HDAC7: variants seen among roughly 807,000 people sequenced by gnomAD.
HDAC7 encodes the protein histone deacetylase 7.
A neutral mutation model predicts 115.5 loss-of-function variants in HDAC7; 26 were observed. The observed-to-expected ratio is 0.23, with a 90% CI of 0.16 to 0.31. HDAC7 has a LOEUF of 0.31. Ranked by LOEUF, HDAC7 falls within the 10% of genes least tolerant of loss-of-function variation. HDAC7 has a pLI of 1.00. For missense variants in HDAC7, 1,068 were observed against 1,329.0 expected, an observed-to-expected ratio of 0.80 and a Z score of 3.05; for synonymous variants, 564 against 550.9, an observed-to-expected ratio of 1.02 and a Z score of -0.33.
At chr12:47,800,127 T>G (rs2136997914) in intron 2 of HDAC7, among the ~76,000 whole-genome samples, 1 of 152,288 alleles carries the variant, frequency 6.6e-6, no homozygotes, top group African/African-American at 2.4e-5. Flanking sequence ...TCTTTACATC[T>G]ACAGCACTTG....
chr12:47,785,057 A>T, intron 24 of HDAC7: 1 of 557,894 alleles, frequency 1.8e-6, no homozygotes, highest in Non-Finnish European at 3.2e-6. Context: ...GAGGGGAGGG[A>T]TGGGAACCAG....
At position 47,795,324 on chromosome 12, in the gene HDAC7, G is replaced by A. The variant is rs1025523835; in HGVS notation, c.1144C>T (p.Arg382Trp). ...HFAQSLMTTE[R>W]LSGSGLHWPL... ...CAGTGGAGGCCTGACCCAGAGAGCCGCTCGGTGGTCATTAAGGACTGGGCA... is the reference window on the plus strand; with the variant it reads ...CAGTGGAGGCCTGACCCAGAGAGCCACTCGGTGGTCATTAAGGACTGGGCA... The change falls in exon 11 of 26, where the codon CGG becomes TGG. Residue 382 changes from arginine (R) to tryptophan (W), a missense_variant. Arg to Trp is a moderately radical substitution (Grantham distance 101). Around this residue, in one of 6 missense-constraint regions of HDAC7, gnomAD observed 618 missense variants for 701.5 expected, o/e 0.88. Transcript: ENST00000080059. This position sits in a 1 kb window ranked among gnomAD's most constrained non-coding sequence, Gnocchi z 4.3. 6.8e-6 allele frequency: 11 copies of A among 1,612,740 alleles called. No individual in the cohort carries two copies. The highest frequency in any genetic ancestry group is 5.1e-6 in the Non-Finnish European group (6 of 1,179,636).
At chr12:47,790,913 C>G (rs1327335602) in intron 16 of HDAC7, 1 of 388,734 alleles carries the variant, frequency 2.6e-6, no homozygotes, top group African/African-American at 2.1e-5. Flanking sequence ...TAAGAGCAGA[C>G]AGAGCAGCCT....
At chr12:47,787,201 C>T (rs76664121) in intron 21 of HDAC7, among the ~76,000 whole-genome samples, 18,980 of 150,638 alleles carry the variant, frequency 0.13, 1,502 homozygotes, top group Non-Finnish European at 0.18. Context: ...AGGTTCTGCG[C>T]CACCTGGCTA....
chr12:47,811,023 T>C (rs1390114371), intron 1 of HDAC7, among the ~76,000 whole-genome samples: 1 of 151,730 alleles, frequency 6.6e-6, no homozygotes, highest in African/African-American at 2.4e-5. Flanking sequence ...GAAGCCACAA[T>C]GGAGACCCTG....
At chr12:47,789,105 T>TG (rs1467074275) in intron 19 of HDAC7, 156 bp downstream of exon 19, 17 of 672,084 alleles carry the variant, frequency 2.5e-5, no homozygotes, top group Non-Finnish European at 2.1e-5. Context: ...CCAACTGTGA[T>TG]GTGGGTGTTA....
At chr12:47,818,781 G>A (rs946772067) in intron 1 of HDAC7, among the ~76,000 whole-genome samples, 1 of 152,246 alleles carries the variant, frequency 6.6e-6, no homozygotes, top group African/African-American at 2.4e-5. Flanking sequence ...TCCAGATGCA[G>A]GGGGAGGCCT....
At chr12:47,785,598 C>T (rs751204122) in intron 23 of HDAC7, 127 bp from the exon 24 acceptor site, 4 of 1,380,266 alleles carry the variant, frequency 2.9e-6, no homozygotes, top group Non-Finnish European at 4.0e-6. Flanking sequence ...GCTGCCTGGA[C>T]CTAACTTGGA....
In HDAC7 at chr12:47,799,227, G is replaced by A. The variant is rs915308844; in HGVS notation, c.71-255C>T. On this transcript the variant is annotated intron_variant, in intron 2 of 25. Transcript: ENST00000080059. ...TGGTGGTGTTTGAACGGAGTCTTCC[G>A]ACTCCACCACAGTGCTCCTCCACTA... The A allele has an allele frequency of 9.5e-5, 41 of 431,964 alleles. 2 individuals are homozygous for A. Among genetic ancestry groups the A allele is most frequent in the South Asian group, 5.5e-4 (10 of 18,084 alleles). 26.8% of individuals were successfully genotyped at this position (431,964 alleles called of 1,614,324 possible).
intron 1 of HDAC7, chr12:47,817,862 C>G (rs1321636812): frequency 6.6e-6 from 1 of 152,294 alleles, no homozygotes; most frequent in Non-Finnish European, 1.5e-5. Context: ...CCTACCCCAT[C>G]ACACATGAGT....
chr12:47,783,477 TTTG>T lies in HDAC7; in HGVS notation c.*361_*363del. The T allele has an allele frequency of 3.5e-6, 1 of 283,314 alleles. No homozygotes were observed. Among genetic ancestry groups the T allele is most frequent in the Non-Finnish European group, 7.0e-6 (1 of 143,492 alleles). 17.6% of individuals were successfully genotyped at this position (283,314 alleles called of 1,614,324 possible). On this transcript the variant is annotated 3_prime_UTR_variant, in exon 26 of 26. Transcript: ENST00000080059. ...CTGAGGCTGTGTGCAAAGTCTGGGGTTTGCAGAGCCAGGAATAGTGGTTAAGGG... is the reference window on the plus strand; with the variant it reads ...CTGAGGCTGTGTGCAAAGTCTGGGGTCAGAGCCAGGAATAGTGGTTAAGGG...
In HDAC7 at chr12:47,788,147, G is replaced by A. The variant is rs771591329; in HGVS notation, c.2253C>T (p.Asn751=). ...CTTGGTAGAAGGTTTGCTGGGTGCC[G>A]TTGCCATGGTGCACGTCCTGTGTAG... The part of the protein sequence containing the change: ...LIVDWDVHHG[N]GTQQTFYQDP... Residue 751 remains asparagine (N), a synonymous_variant, in exon 20 of 26, where the codon AAC becomes AAT. Transcript: ENST00000080059. 90 of 1,611,192 alleles carry A rather than the reference G, an allele frequency of 5.6e-5. No individual in the cohort carries two copies. Among genetic ancestry groups the A allele is most frequent in the African/African-American group, 8.0e-5 (6 of 74,858 alleles).
At chr12:47,792,200 C>T in intron 13 of HDAC7, 196 bp from the exon 14 acceptor site, 2 of 606,860 alleles carry the variant, frequency 3.3e-6, no homozygotes, top group South Asian at 4.3e-5. Flanking sequence ...TCCACACACG[C>T]CCAGACACTT....
At position 47,793,948 on chromosome 12, in the gene HDAC7, G is replaced by A. The variant is rs150311179; in HGVS notation, c.1459-360C>T. On this transcript the variant is annotated intron_variant, in intron 12 of 25. Coordinates refer to ENST00000080059, the MANE Select transcript of HDAC7 (RefSeq NM_015401.5). The surrounding 1 kb of genome is among the most constrained non-coding windows in gnomAD (Gnocchi z 4.5). Reference sequence around the variant, plus strand: ...GTGTGGCCTGTCATCATGTGTTATGGAGTAAATTATGTTCCCCACCCTCAA... The same window carrying A: ...GTGTGGCCTGTCATCATGTGTTATGAAGTAAATTATGTTCCCCACCCTCAA... Among the ~76,000 whole-genome samples, 160 of 152,284 alleles carry A rather than the reference G, an allele frequency of 1.1e-3. No individual in the cohort carries two copies. The highest frequency in any genetic ancestry group is 0.01 in the Middle Eastern group (3 of 294).
chr12:47,785,469 C>T lies in HDAC7; in HGVS notation c.2709G>A (p.Val903=). ...ACVAALLGNR[V]DPLSEEGWKQ... is the part of the protein sequence containing the mutation. Reference sequence around the variant, plus strand: ...TCCAGCCTTCTTCTGAAAGGGGATCCACCTATAGAAAACAGTACATCAGCC... The same window carrying T: ...TCCAGCCTTCTTCTGAAAGGGGATCTACCTATAGAAAACAGTACATCAGCC... Residue 903 remains valine (V), a splice_region_variant and synonymous_variant, in exon 24 of 26, where the codon GTG becomes GTA. Coordinates refer to ENST00000080059, the MANE Select transcript of HDAC7 (RefSeq NM_015401.5). The T allele has an allele frequency of 6.2e-7, 1 of 1,611,350 alleles. No homozygotes were observed. Among genetic ancestry groups the T allele is most frequent in the South Asian group, 1.1e-5 (1 of 90,646 alleles).
At chr12:47,788,311 G>A (rs1214261937) in intron 19 of HDAC7, 147 bp from the exon 20 acceptor site, 11 of 940,436 alleles carry the variant, frequency 1.2e-5, no homozygotes, top group Non-Finnish European at 1.5e-5. Flanking sequence ...ACACGGTCGA[G>A]TGGCCCCACG....
chr12:47,794,806 C>T lies in HDAC7; in HGVS notation c.1412G>A (p.Gly471Glu). Residue 471 changes from glycine (G) to glutamate (E), a missense_variant, in exon 12 of 26, where the codon GGG (glycine) becomes GAG (glutamate). By Grantham distance (98) the Gly-to-Glu change is moderately conservative. Around this residue, in one of 6 missense-constraint regions of HDAC7, gnomAD observed 618 missense variants for 701.5 expected, o/e 0.88. Coordinates refer to ENST00000080059, the MANE Select transcript of HDAC7 (RefSeq NM_015401.5). ...AGCGGGGCCTCTGGCCTCAGGCTGCCCATGGCCCAGCTCCCTGTGCTCCAG... is the reference window on the plus strand; with the variant it reads ...AGCGGGGCCTCTGGCCTCAGGCTGCTCATGGCCCAGCTCCCTGTGCTCCAG... ...DGLEHRELGHGQPEARGPAPL... is the reference protein window; with the variant it reads ...DGLEHRELGHEQPEARGPAPL... 1 of 1,612,410 alleles carries T rather than the reference C, an allele frequency of 6.2e-7. No homozygotes were observed. The highest frequency in any genetic ancestry group is 1.7e-5 in the Admixed American group (1 of 59,894).
At position 47,795,800 on chromosome 12, in the gene HDAC7, A is replaced by C; in HGVS notation, c.907-33T>G. On this transcript the variant is annotated intron_variant, in intron 9 of 25. Transcript: ENST00000080059. The surrounding 1 kb of genome is among the most constrained non-coding windows in gnomAD (Gnocchi z 4.3). ...AGAGGCGGGAGAAGTCACGGGGAAG[A>C]AGATTCCAGCAGAGAACAATGAAGA... 1 of 1,520,500 alleles carries C rather than the reference A, an allele frequency of 6.6e-7. No individual in the cohort carries two copies. Among genetic ancestry groups the C allele is most frequent in the Non-Finnish European group, 8.8e-7 (1 of 1,130,462 alleles). The allele number at this position is 1,520,500 out of a possible 1,614,324, so 94.2% of individuals were successfully genotyped here.
Position 47,798,021 on chromosome 12 carries a change from G to C in HDAC7, c.461+87C>G. 2.1e-6 allele frequency: 2 copies of C among 941,948 alleles called. No homozygotes were observed. Among genetic ancestry groups the C allele is most frequent in the Non-Finnish European group, 1.8e-6 (1 of 570,588 alleles). The allele number at this position is 941,948 out of a possible 1,614,324, so 58.3% of individuals were successfully genotyped here. ...CTGGTTGTGGCAACTGGGGAGGAAGGAGGCAAGTGTGTGTGCTCATGGCTA... is the reference window on the plus strand; with the variant it reads ...CTGGTTGTGGCAACTGGGGAGGAAGCAGGCAAGTGTGTGTGCTCATGGCTA... On this transcript the variant is annotated intron_variant, in intron 5 of 25. Transcript: ENST00000080059. This position sits in a 1 kb window ranked among gnomAD's most constrained non-coding sequence, Gnocchi z 4.3.
Sources: gnomAD v4.1 joint callset for allele counts (sites outside exome capture counted in the v4.1 genomes callset) on GRCh38, gnomAD v4.1.1 for gene constraint, gnomAD v4.1.1 regional missense constraint, Gnocchi (gnomAD v3.1) non-coding constraint, MANE v1.5 for transcripts, NCBI Gene and HGNC (gene_info 2026-07-23, HGNC 2026-07-21) for gene names.